Variants in SERGEF observed in about 807,000 individuals in gnomAD.
SERGEF encodes the protein secretion regulating guanine nucleotide exchange factor.
Under a neutral mutation model 50.0 loss-of-function variants are expected in SERGEF, and 51 were observed. That is an observed-to-expected ratio of 1.02 (90% CI 0.81 to 1.29). The LOEUF is 1.29. Ranked by LOEUF, SERGEF falls within the 50% of genes most tolerant of loss-of-function variation. The probability of loss-of-function intolerance (pLI) is 0.00; values close to 1 mark genes in which losing one functional copy is unlikely to be tolerated. For synonymous variants in SERGEF, 205 were observed against 212.4 expected, an observed-to-expected ratio of 0.97 and a Z score of 0.30; for missense variants, 521 against 557.0, an observed-to-expected ratio of 0.94 and a Z score of 0.65.
intron 10 of SERGEF, among the ~76,000 whole-genome samples, chr11:17,831,547 A>C (rs1036154345): frequency 2.0e-5 from 3 of 152,154 alleles, no homozygotes; most frequent in Non-Finnish European, 2.9e-5. Flanking sequence ...AATGGATCCC[A>C]TTTCTGAGGA....
At chr11:17,802,390 C>T (rs1338478538) in intron 10 of SERGEF, among the ~76,000 whole-genome samples, 2 of 152,164 alleles carry the variant, frequency 1.3e-5, no homozygotes, top group African/African-American at 2.4e-5. Context: ...TACTCAGCCT[C>T]CTGTGGGCTC....
At chr11:17,978,719 A>AG (rs2133987511) in intron 8 of SERGEF, among the ~76,000 whole-genome samples, 1 of 152,306 alleles carries the variant, frequency 6.6e-6, no homozygotes, top group Non-Finnish European at 1.5e-5. Flanking sequence ...TCCTTATGCA[A>AG]GACCCTTTCC....
At chr11:17,932,631 G>A (rs969456471) in intron 9 of SERGEF, among the ~76,000 whole-genome samples, 25 of 151,836 alleles carry the variant, frequency 1.6e-4, no homozygotes, top group African/African-American at 6.0e-4. Flanking sequence ...AGGTAATGAA[G>A]GAATATTGAA....
chr11:18,011,797 C>T (rs1854202332), intron 1 of SERGEF, among the ~76,000 whole-genome samples: 1 of 152,166 alleles, frequency 6.6e-6, no homozygotes, highest in Admixed American at 6.5e-5. Flanking sequence ...CATTCAATCC[C>T]CAACTCCACC....
intron 10 of SERGEF, among the ~76,000 whole-genome samples, chr11:17,828,714 CA>C (rs750397351): frequency 6.6e-6 from 1 of 152,204 alleles, no homozygotes; most frequent in African/African-American, 2.4e-5. Context: ...GTCAAAGCCT[CA>C]TACCAGAAGA....
intron 9 of SERGEF, among the ~76,000 whole-genome samples, chr11:17,892,117 C>CA (rs1851542465): frequency 6.6e-6 from 1 of 152,140 alleles, no homozygotes; most frequent in African/African-American, 2.4e-5. Flanking sequence ...AAAAAGGAAG[C>CA]ATGCCTAGAA....
At chr11:17,912,871 T>C (rs2133931738) in intron 9 of SERGEF, among the ~76,000 whole-genome samples, 1 of 152,332 alleles carries the variant, frequency 6.6e-6, no homozygotes, top group South Asian at 2.1e-4. Flanking sequence ...AATAAGCTAC[T>C]TTACCCTATC....
In SERGEF at chr11:18,000,483, G is replaced by T; in HGVS notation, c.508+14C>A. 6.5e-7 allele frequency: 1 copy of T among 1,539,636 alleles called. No individual in the cohort carries two copies. The highest frequency in any genetic ancestry group is 8.8e-7 in the Non-Finnish European group (1 of 1,138,540). ...TTAAAAATAAAAATAAAAAAATAAA[G>T]ATAAGATGATCACCTGTAGCAGCTA... On this transcript the variant is annotated intron_variant, in intron 5 of 10. Transcript: ENST00000265965.
chr11:17,876,219 C>G (rs1228126504), intron 10 of SERGEF, among the ~76,000 whole-genome samples: 2 of 152,298 alleles, frequency 1.3e-5, no homozygotes, highest in East Asian at 3.9e-4. Context: ...ACTCTGAAAC[C>G]ATTCATTCAG....
At chr11:17,885,563 A>C (rs1590176847) in intron 9 of SERGEF, among the ~76,000 whole-genome samples, 1 of 149,936 alleles carries the variant, frequency 6.7e-6, no homozygotes. Flanking sequence ...GCTTCAAGCG[A>C]CCCTCCTCCC....
chr11:17,896,888 G>GT (rs1195970949), intron 9 of SERGEF, among the ~76,000 whole-genome samples: 1 of 24,984 alleles, frequency 4.0e-5, no homozygotes, highest in Non-Finnish European at 7.3e-5. Context: ...GAAGGGAAGG[G>GT]AAGGGAAGGG....
chr11:17,826,607 A>C (rs1850200539), intron 10 of SERGEF, among the ~76,000 whole-genome samples: 1 of 152,230 alleles, frequency 6.6e-6, no homozygotes, highest in Non-Finnish European at 1.5e-5. Flanking sequence ...ATGGATGGTA[A>C]TAATGGTTTC....
intron 10 of SERGEF, among the ~76,000 whole-genome samples, chr11:17,817,381 AT>A (rs1198118223): frequency 2.0e-5 from 3 of 151,134 alleles, no homozygotes; most frequent in Non-Finnish European, 3.0e-5. Context: ...TGCCTGGCTA[AT>A]TTTTTTTGTA....
intron 8 of SERGEF, among the ~76,000 whole-genome samples, chr11:17,964,803 A>G (rs1853083389): frequency 6.6e-6 from 1 of 152,242 alleles, no homozygotes; most frequent in Non-Finnish European, 1.5e-5. Flanking sequence ...TTAGAAGGTT[A>G]AGAACCTGAC....
intron 10 of SERGEF, among the ~76,000 whole-genome samples, chr11:17,818,569 G>A (rs1169026778): frequency 1.3e-5 from 2 of 152,200 alleles, no homozygotes; most frequent in East Asian, 3.9e-4. Context: ...TAGGATTTAG[G>A]CCCAGGGTAT....
chr11:17,832,792 C>T (rs562367396), intron 10 of SERGEF, among the ~76,000 whole-genome samples: 6 of 152,068 alleles, frequency 3.9e-5, no homozygotes, highest in South Asian at 4.1e-4. Context: ...AAGAGATTGG[C>T]GGTATTTTGT....
intron 8 of SERGEF, among the ~76,000 whole-genome samples, chr11:17,971,010 T>C (rs1039485981): frequency 2.0e-5 from 3 of 152,026 alleles, no homozygotes; most frequent in African/African-American, 7.2e-5. Context: ...CTGGCTAACA[T>C]GGTGAAACCC....
intron 10 of SERGEF, among the ~76,000 whole-genome samples, chr11:17,817,211 G>GT (rs1278595725): frequency 9.7e-5 from 13 of 134,384 alleles, no homozygotes; most frequent in African/African-American, 3.3e-4. Flanking sequence ...CACTTTCCAT[G>GT]TATTTTTTTT....
At chr11:17,972,311 G>C (rs915183366) in intron 8 of SERGEF, among the ~76,000 whole-genome samples, 2 of 152,208 alleles carry the variant, frequency 1.3e-5, no homozygotes, top group African/African-American at 4.8e-5. Flanking sequence ...GTGAAAGGAA[G>C]AGTTCAACTG....
Sources: allele counts gnomAD v4.1 joint callset (sites outside exome capture counted in the v4.1 genomes callset), GRCh38; gene constraint gnomAD v4.1.1; transcripts MANE v1.5; gene names NCBI Gene and HGNC (gene_info 2026-07-23, HGNC 2026-07-21).